SDK1: variants seen among roughly 807,000 people sequenced by gnomAD.
SDK1 encodes protein sidekick-1.
A neutral mutation model predicts 245.5 loss-of-function variants in SDK1; 157 were observed. That is an observed-to-expected ratio of 0.64 (90% CI 0.56 to 0.73). The LOEUF is 0.73. SDK1 is among the 30% of genes least tolerant of loss of function. SDK1 has a pLI of 0.00. For synonymous variants in SDK1, 1,647 were observed against 1,278.5 expected, an observed-to-expected ratio of 1.29 and a Z score of -6.15; for missense variants, 3,583 against 3,002.3, an observed-to-expected ratio of 1.19 and a Z score of -4.52.
rs564992384 is a variant in SDK1, at chr7:3,586,263, C to G, written c.299-32817C>G. On this transcript the variant is annotated intron_variant, in intron 1 of 44. Transcript: ENST00000404826. ...AAAATGGGCTAAGTTACTGGGTCAA[C>G]ATAGACCTCCGAAAGAGCCCGCCCT... Among the ~76,000 whole-genome samples, 7 of 152,178 alleles carry G rather than the reference C, an allele frequency of 4.6e-5. No individual in the cohort carries two copies. The South Asian group carries it at 1.5e-3, about 32-fold the overall frequency.
chr7:3,841,067 C>T (rs1780145071), intron 5 of SDK1, among the ~76,000 whole-genome samples: 1 of 152,180 alleles, frequency 6.6e-6, no homozygotes, highest in Non-Finnish European at 1.5e-5. Context: ...CACTTGTCTC[C>T]AATCCCAGGG....
At chr7:3,396,223 A>G (rs1005282933) in intron 1 of SDK1, among the ~76,000 whole-genome samples, 2 of 151,850 alleles carry the variant, frequency 1.3e-5, no homozygotes, top group East Asian at 1.9e-4. Context: ...TTTGACCCGT[A>G]TTTAGAAATA....
intron 1 of SDK1, among the ~76,000 whole-genome samples, chr7:3,479,165 T>C (rs796834433): frequency 2.6e-5 from 4 of 152,288 alleles, no homozygotes; most frequent in African/African-American, 9.6e-5. Context: ...ACACCTGTTG[T>C]AATCCTAGCA....
intron 2 of SDK1, among the ~76,000 whole-genome samples, chr7:3,626,569 CT>C (rs1236116023): frequency 6.6e-6 from 1 of 152,192 alleles, no homozygotes; most frequent in Non-Finnish European, 1.5e-5. Flanking sequence ...GTTGCCTTGC[CT>C]TTGTAGGGCC....
At chr7:3,662,961 G>C (rs975751480) in intron 4 of SDK1, among the ~76,000 whole-genome samples, 1 of 152,150 alleles carries the variant, frequency 6.6e-6, no homozygotes, top group Non-Finnish European at 1.5e-5. Context: ...GATAAGGTAT[G>C]CTCAACCTGT....
intron 1 of SDK1, among the ~76,000 whole-genome samples, chr7:3,381,129 AAGAAG>A (rs1405814997): frequency 3.3e-5 from 5 of 152,170 alleles, no homozygotes; most frequent in African/African-American, 4.8e-5. Flanking sequence ...TATACAGAGT[AAGAAG>A]AGAATCCATG....
intron 1 of SDK1, among the ~76,000 whole-genome samples, chr7:3,564,698 TAAAGA>T (rs1310087012): frequency 6.6e-6 from 1 of 152,070 alleles, no homozygotes; most frequent in Non-Finnish European, 1.5e-5. Flanking sequence ...CAATACATGG[TAAAGA>T]AATGGAGAAA....
At chr7:3,565,759 A>G (rs1187334612) in intron 1 of SDK1, among the ~76,000 whole-genome samples, 2 of 152,358 alleles carry the variant, frequency 1.3e-5, no homozygotes, top group East Asian at 3.9e-4. Context: ...ACAACTTGAT[A>G]TAATGTAAAT....
intron 35 of SDK1, among the ~76,000 whole-genome samples, chr7:4,194,822 A>C (rs541123044): frequency 6.6e-6 from 1 of 152,248 alleles, no homozygotes; most frequent in Admixed American, 6.5e-5. Context: ...CACGCCCAGG[A>C]TTAATACTTT....
At chr7:3,683,267 C>T (rs907142581) in intron 4 of SDK1, among the ~76,000 whole-genome samples, 1 of 152,110 alleles carries the variant, frequency 6.6e-6, no homozygotes, top group African/African-American at 2.4e-5. Flanking sequence ...TAACAGGACC[C>T]AGCACATACT....
intron 30 of SDK1, among the ~76,000 whole-genome samples, chr7:4,151,094 A>G (rs1193854554): frequency 1.3e-5 from 2 of 152,174 alleles, no homozygotes; most frequent in South Asian, 2.1e-4. Context: ...CACCCCACAC[A>G]GTGTCCCCAG....
intron 1 of SDK1, among the ~76,000 whole-genome samples, chr7:3,444,783 C>G (rs1249182556): frequency 1.3e-5 from 2 of 152,182 alleles, no homozygotes; most frequent in African/African-American, 4.8e-5. Flanking sequence ...AAGTGATGTT[C>G]CCTGTTTGCA....
In SDK1 at chr7:4,010,992, A is replaced by G. The variant is rs1159526185; in HGVS notation, c.2158A>G (p.Asn720Asp). ...NNSPWKVHLS[N>D]VGPEMTGVTV... Reference sequence around the variant, plus strand: ...CTCTCCATGGAAGGTGCATCTGTCAAACGTTGGCCCTGAGATGACAGGCGT... The same window carrying G: ...CTCTCCATGGAAGGTGCATCTGTCAGACGTTGGCCCTGAGATGACAGGCGT... Residue 720 changes from asparagine (N) to aspartate (D), a missense_variant, in exon 15 of 45, where the codon AAC becomes GAC. Transcript: ENST00000404826. 18 of 1,614,192 alleles carry G rather than the reference A, an allele frequency of 1.1e-5. No homozygotes were observed. The highest frequency in any genetic ancestry group is 1.4e-5 in the Non-Finnish European group (17 of 1,180,036).
At chr7:3,455,283 A>G (rs56853113) in intron 1 of SDK1, among the ~76,000 whole-genome samples, 57,843 of 151,542 alleles carry the variant, frequency 0.38, 14,123 homozygotes, top group African/African-American at 0.7. Flanking sequence ...AAAATTTTAA[A>G]TTTTGATAGA....
At chr7:3,396,308 C>T (rs770848793) in intron 1 of SDK1, among the ~76,000 whole-genome samples, 1 of 151,596 alleles carries the variant, frequency 6.6e-6, no homozygotes, top group Non-Finnish European at 1.5e-5. Context: ...CTTTGTGGTC[C>T]AGCATATGAC....
At chr7:3,570,596 G>T (rs1780083388) in intron 1 of SDK1, among the ~76,000 whole-genome samples, 1 of 152,140 alleles carries the variant, frequency 6.6e-6, no homozygotes, top group South Asian at 2.1e-4. Context: ...CTCCAATTCT[G>T]TCTTATCTGG....
chr7:3,769,848 T>G (rs1232697320), intron 4 of SDK1, among the ~76,000 whole-genome samples: 1 of 151,904 alleles, frequency 6.6e-6, no homozygotes, highest in African/African-American at 2.4e-5. Context: ...CCCTAGCCAG[T>G]TTTCCTGCTT....
chr7:3,670,415 T>C (rs1783660963), intron 4 of SDK1, among the ~76,000 whole-genome samples: 1 of 152,204 alleles, frequency 6.6e-6, no homozygotes, highest in South Asian at 2.1e-4. Flanking sequence ...AATCTTAACT[T>C]TTCACTTACT....
At position 4,077,032 on chromosome 7, in the gene SDK1, C is replaced by T. The variant is rs747743885; in HGVS notation, c.3045C>T (p.Asn1015=). ...TCTCTTGGGAAGTGTACGGCAGGAA[C>T]GACTCTCGTCTCACGCACACCCTGA... The part of the protein sequence containing the change: ...YQISWEVYGR[N]DSRLTHTLNS... Residue 1015 remains asparagine (N), a synonymous_variant, in exon 21 of 45, where the codon AAC becomes AAT. Coordinates refer to ENST00000404826, the MANE Select transcript of SDK1 (RefSeq NM_152744.4). 9.3e-6 allele frequency: 15 copies of T among 1,613,994 alleles called. No homozygotes were observed. The East Asian group carries it at 1.3e-4, about 14-fold the overall frequency.
Sources: allele counts gnomAD v4.1 joint callset (sites outside exome capture counted in the v4.1 genomes callset), GRCh38; gene constraint gnomAD v4.1.1; transcripts MANE v1.5; gene names NCBI Gene and HGNC (gene_info 2026-07-23, HGNC 2026-07-21).